The following ERC2 variants were observed in gnomAD, a reference collection of about 807,000 sequenced individuals.
The protein encoded by ERC2 is ELKS/RAB6-interacting/CAST family member 2, also known as ERC protein 2.
Under a neutral mutation model 114.8 loss-of-function variants are expected in ERC2, and 42 were observed. That is an observed-to-expected ratio of 0.37 (90% confidence interval 0.29 to 0.47). The LOEUF (loss-of-function observed/expected upper bound fraction) is 0.47. Among genes scored for constraint, ERC2 ranks in the 20% least tolerant of loss-of-function variants. The pLI, the probability that ERC2 is intolerant of heterozygous loss-of-function variation, is 0.99. For missense variants in ERC2, 939 were observed against 1,150.7 expected (o/e 0.82, Z 2.66); for synonymous variants, 454 against 425.5 (o/e 1.07, Z -0.82).
intron 14 of ERC2, among the ~76,000 whole-genome samples, chr3:55,827,975 T>C (rs899501462): frequency 6.6e-6 from 1 of 152,210 alleles, no homozygotes; most frequent in Non-Finnish European, 1.5e-5. Context: ...CCATCGCCAC[T>C]GCGGCCAAGC....
At chr3:56,275,231 C>A (rs1226384890) in intron 3 of ERC2, among the ~76,000 whole-genome samples, 1 of 152,098 alleles carries the variant, frequency 6.6e-6, no homozygotes, top group Non-Finnish European at 1.5e-5. Context: ...TTTTTTATGA[C>A]CTCCTCTGCT....
At chr3:56,271,639 A>T (rs2150295802) in intron 3 of ERC2, among the ~76,000 whole-genome samples, 1 of 152,322 alleles carries the variant, frequency 6.6e-6, no homozygotes, top group South Asian at 2.1e-4. Flanking sequence ...TCAGGGGTAC[A>T]TGTGCAAGGT....
chr3:55,918,105 C>A, intron 13 of ERC2, among the ~76,000 whole-genome samples: 1 of 151,954 alleles, frequency 6.6e-6, no homozygotes, highest in East Asian at 1.9e-4. Context: ...AGAGATAAGA[C>A]AATAGATCAC....
intron 15 of ERC2, among the ~76,000 whole-genome samples, chr3:55,723,313 A>G (rs182687163): frequency 1.1e-3 from 167 of 152,296 alleles, no homozygotes; most frequent in African/African-American, 3.9e-3. Flanking sequence ...ATTATGGGTA[A>G]CTTTAGTTTT....
At chr3:56,074,098 C>T (rs1383599713) in intron 7 of ERC2, among the ~76,000 whole-genome samples, 1 of 151,992 alleles carries the variant, frequency 6.6e-6, no homozygotes, top group African/African-American at 2.4e-5. Flanking sequence ...GTATGTTGCT[C>T]AAATTGTAGT....
chr3:56,280,278 T>C (rs945536527), intron 3 of ERC2, among the ~76,000 whole-genome samples: 1 of 152,202 alleles, frequency 6.6e-6, no homozygotes, highest in African/African-American at 2.4e-5. Flanking sequence ...GACAACATCT[T>C]GATCTTAGCC....
intron 17 of ERC2, among the ~76,000 whole-genome samples, chr3:55,585,124 A>T (rs1384272240): frequency 6.6e-6 from 1 of 152,166 alleles, no homozygotes; most frequent in Non-Finnish European, 1.5e-5. Context: ...TCCTCGGTTT[A>T]CCGTAAAATT....
chr3:55,926,225 T>C (rs1412531213), intron 13 of ERC2, among the ~76,000 whole-genome samples: 1 of 151,984 alleles, frequency 6.6e-6, no homozygotes, highest in African/African-American at 2.4e-5. Context: ...GGTAACTAAA[T>C]TTAAAAAGAC....
At chr3:55,554,843 ATC>A (rs2055486561) in intron 17 of ERC2, among the ~76,000 whole-genome samples, 1 of 152,058 alleles carries the variant, frequency 6.6e-6, no homozygotes, top group Non-Finnish European at 1.5e-5. Flanking sequence ...GCTGGCAAAT[ATC>A]TCTCTTCCCA....
intron 1 of ERC2, among the ~76,000 whole-genome samples, chr3:56,456,063 C>T (rs968271289): frequency 2.2e-4 from 33 of 152,276 alleles, no homozygotes; most frequent in Non-Finnish European, 2.6e-4. Context: ...AAATTTTATG[C>T]GTATCCCTTT....
At chr3:55,672,335 T>C (rs1253238852) in intron 17 of ERC2, among the ~76,000 whole-genome samples, 1 of 129,828 alleles carries the variant, frequency 7.7e-6, no homozygotes, top group Middle Eastern at 3.8e-3. Flanking sequence ...GAGGACCCTA[T>C]CTCAAAAAAA....
At chr3:56,132,094 T>C (rs1166711490) in intron 6 of ERC2, among the ~76,000 whole-genome samples, 1 of 152,214 alleles carries the variant, frequency 6.6e-6, no homozygotes, top group Non-Finnish European at 1.5e-5. Flanking sequence ...GAATAAGTAG[T>C]TCTTTTAAGT....
chr3:55,818,009 C>A (rs1211494140), intron 14 of ERC2, among the ~76,000 whole-genome samples: 2 of 152,198 alleles, frequency 1.3e-5, no homozygotes, highest in African/African-American at 4.8e-5. Context: ...AGCCATTTGA[C>A]TGCTTGTCAG....
intron 13 of ERC2, among the ~76,000 whole-genome samples, chr3:55,923,239 G>GATGAACCCTGAAGACATCGAGTTAA (rs1576211869): frequency 6.6e-6 from 1 of 152,118 alleles, no homozygotes; most frequent in East Asian, 1.9e-4. Context: ...GCTACACACA[G>GATGAACCCTGAAGACATCGAGTTAA]ATGAACCCTG....
At chr3:55,752,820 T>C (rs2066800103) in intron 14 of ERC2, among the ~76,000 whole-genome samples, 1 of 152,162 alleles carries the variant, frequency 6.6e-6, no homozygotes, top group African/African-American at 2.4e-5. Flanking sequence ...CTAGCATTGT[T>C]CTAAGTTGAG....
chr3:56,118,880 C>T (rs1317972816), intron 6 of ERC2, among the ~76,000 whole-genome samples: 4 of 152,120 alleles, frequency 2.6e-5, no homozygotes, highest in African/African-American at 9.7e-5. Flanking sequence ...TTGTGACCCA[C>T]CCGCCTCGGC....
chr3:56,032,440 TAGA>T (rs2074428067), intron 7 of ERC2, among the ~76,000 whole-genome samples: 2 of 151,986 alleles, frequency 1.3e-5, no homozygotes, highest in South Asian at 4.1e-4. Flanking sequence ...ATGTGAGTCA[TAGA>T]AGAAGTAGAG....
chr3:55,696,189 C>T (rs1301390100), intron 16 of ERC2, among the ~76,000 whole-genome samples: 1 of 152,166 alleles, frequency 6.6e-6, no homozygotes, highest in African/African-American at 2.4e-5. Flanking sequence ...GCAATACTCA[C>T]GTAATTGAAT....
intron 15 of ERC2, among the ~76,000 whole-genome samples, chr3:55,719,307 C>G (rs985230589): frequency 6.6e-6 from 1 of 152,156 alleles, no homozygotes; most frequent in East Asian, 1.9e-4. Context: ...TTTCTTTACA[C>G]AGGACCAGTA....
Sources: allele counts gnomAD v4.1 joint callset (sites outside exome capture counted in the v4.1 genomes callset), GRCh38; gene constraint gnomAD v4.1.1; transcripts MANE v1.5; gene names NCBI Gene and HGNC (gene_info 2026-07-23, HGNC 2026-07-21).